The following RBFOX1 variants were observed in gnomAD, a reference collection of about 807,000 sequenced individuals.
RBFOX1 encodes the protein RNA binding fox-1 homolog 1.
A neutral mutation model predicts 57.7 loss-of-function variants in RBFOX1; 8 were observed. The ratio of observed to expected loss-of-function variants is 0.14; its 90% confidence interval spans 0.08 to 0.25. The LOEUF (loss-of-function observed/expected upper bound fraction) is 0.25. Among genes scored for constraint, RBFOX1 ranks in the 10% least tolerant of loss-of-function variants. The pLI is 1.00. For missense variants in RBFOX1, 611 were observed against 548.5 expected (o/e 1.11, Z -1.14); for synonymous variants, 326 against 222.4 (o/e 1.47, Z -4.15).
At chr16:6,888,000 G>C (rs1603636836) in intron 3 of RBFOX1, among the ~76,000 whole-genome samples, 1 of 151,984 alleles carries the variant, frequency 6.6e-6, no homozygotes, top group East Asian at 1.9e-4. Context: ...TATTCTGTTT[G>C]GGGTTTTTGT....
In RBFOX1 at chr16:5,575,365, T is replaced by C. The variant is rs148353545; in HGVS notation, c.259-23537T>C. Among the ~76,000 whole-genome samples the C allele has an allele frequency of 3.2e-3, 484 of 152,340 alleles. 3 individuals carry two copies. The highest frequency in any genetic ancestry group is 0.011 in the African/African-American group (462 of 41,592). ...CACTGCCATCACGGCTCAGCCATCA[T>C]TGAGTTCACATGCCCTGCGTGTCCT... On this transcript the variant is annotated intron_variant, in intron 2 of 2. Transcript: ENST00000585867.
intron 11 of RBFOX1, among the ~76,000 whole-genome samples, chr16:7,650,750 T>C (rs572984315): frequency 6.6e-6 from 1 of 152,350 alleles, no homozygotes; most frequent in East Asian, 1.9e-4. Flanking sequence ...CCAGCTGCTC[T>C]GCCAGATTGT....
chr16:7,018,785 A>AT (rs1262570109), intron 3 of RBFOX1, among the ~76,000 whole-genome samples: 3 of 71,196 alleles, frequency 4.2e-5, no homozygotes, highest in Admixed American at 1.5e-4. Flanking sequence ...ACCTTAAAGT[A>AT]TTAAAAAAAA....
intron 4 of RBFOX1, among the ~76,000 whole-genome samples, chr16:7,179,849 C>T (rs1018297355): frequency 1.3e-5 from 2 of 152,056 alleles, no homozygotes; most frequent in Non-Finnish European, 2.9e-5. Flanking sequence ...ATTCTCCTGC[C>T]TCAGCCTCCT....
chr16:6,647,542 C>A (rs954055727), intron 2 of RBFOX1, among the ~76,000 whole-genome samples: 3 of 152,118 alleles, frequency 2.0e-5, no homozygotes, highest in Non-Finnish European at 4.4e-5. Context: ...GCCACCACAC[C>A]CAGCCAAGGG....
chr16:5,589,651 A>C (rs1329615727), intron 2 of RBFOX1, among the ~76,000 whole-genome samples: 2 of 152,212 alleles, frequency 1.3e-5, no homozygotes, highest in East Asian at 3.8e-4. Flanking sequence ...CAGGATGTGT[A>C]ACCTTTGGCA....
chr16:5,604,463 T>C (rs2047489896), downstream of RBFOX1, among the ~76,000 whole-genome samples: 1 of 152,198 alleles, frequency 6.6e-6, no homozygotes, highest in African/African-American at 2.4e-5. Flanking sequence ...AGAGGCCACC[T>C]ACGGTTCCCT....
At chr16:7,553,500 A>G (rs2087257815) in intron 5 of RBFOX1, among the ~76,000 whole-genome samples, 1 of 152,354 alleles carries the variant, frequency 6.6e-6, no homozygotes, top group South Asian at 2.1e-4. Context: ...CATAACAATT[A>G]AAAATGAGTG....
intron 2 of RBFOX1, among the ~76,000 whole-genome samples, chr16:6,605,796 C>T (rs1765121100): frequency 6.6e-6 from 1 of 152,152 alleles, no homozygotes; most frequent in Non-Finnish European, 1.5e-5. Context: ...ACACGGGAAA[C>T]TATACTTGAA....
At chr16:6,851,716 T>G (rs1257790873) in intron 3 of RBFOX1, among the ~76,000 whole-genome samples, 1 of 152,054 alleles carries the variant, frequency 6.6e-6, no homozygotes, top group Non-Finnish European at 1.5e-5. Context: ...CAAAGGACTT[T>G]GGCAAATTCA....
chr16:6,033,075 G>A (rs2095313350), intron 1 of RBFOX1, among the ~76,000 whole-genome samples: 1 of 152,108 alleles, frequency 6.6e-6, no homozygotes, highest in Admixed American at 6.5e-5. Flanking sequence ...GTTGTGATGA[G>A]AAACTCTTGC....
chr16:6,319,755 A>G lies in RBFOX1; in HGVS notation c.-64+2698A>G, dbSNP rs1046374345. ...TGTGTGCTAAGAGGAAAGCCACAGAAAGCTCACAGTAGCAGGGTCGGTGTT... is the reference window on the plus strand; with the variant it reads ...TGTGTGCTAAGAGGAAAGCCACAGAGAGCTCACAGTAGCAGGGTCGGTGTT... On this transcript the variant is annotated intron_variant, in intron 2 of 15. Coordinates refer to ENST00000550418, the MANE Select transcript of RBFOX1 (RefSeq NM_018723.4). 1.4e-4 allele frequency among the ~76,000 whole-genome samples: 22 copies of G among 152,316 alleles called. 1 individual carries two copies. In the South Asian group the frequency reaches 4.4e-3, roughly 30 times the overall value.
At chr16:7,590,149 C>T (rs1304854165) in intron 7 of RBFOX1, among the ~76,000 whole-genome samples, 2 of 151,986 alleles carry the variant, frequency 1.3e-5, no homozygotes, top group Non-Finnish European at 2.9e-5. Context: ...CACCTGTAGT[C>T]CAAGCTACTT....
intron 3 of RBFOX1, among the ~76,000 whole-genome samples, chr16:5,773,223 T>C (rs2054037393): frequency 6.6e-6 from 1 of 152,160 alleles, no homozygotes; most frequent in Non-Finnish European, 1.5e-5. Flanking sequence ...TAAGAGGTTA[T>C]TGCAATTACT....
At position 6,021,674 on chromosome 16, in the gene RBFOX1, C is replaced by T. The variant is rs565065088; in HGVS notation, c.-127+1682C>T. Among the ~76,000 whole-genome samples the T allele has an allele frequency of 1.6e-4, 24 of 152,302 alleles. No individual in the cohort carries two copies. The South Asian group carries it at 3.1e-3, about 20-fold the overall frequency. ...TCATTCCTCGCGGTAGTGGAAGTGA[C>T]ACCTTAGGGGTCCAGAGAGTGGAGC... On this transcript the variant is annotated intron_variant, in intron 1 of 15. Transcript: ENST00000550418.
At chr16:6,028,509 T>TAAAA (rs36218292) in intron 1 of RBFOX1, among the ~76,000 whole-genome samples, 7,867 of 104,320 alleles carry the variant, frequency 0.075, 427 homozygotes, top group Non-Finnish European at 0.11. Context: ...CTGTCTCTGT[T>TAAAA]AAAAAAAAAA....
intron 3 of RBFOX1, among the ~76,000 whole-genome samples, chr16:6,756,365 A>G (rs555014050): frequency 3.3e-5 from 5 of 152,322 alleles, no homozygotes; most frequent in East Asian, 1.9e-4. Context: ...TAAAACTACT[A>G]GAAGTAAACA....
At chr16:7,052,741 TTG>T (rs1178715596) in intron 4 of RBFOX1, among the ~76,000 whole-genome samples, 1 of 152,214 alleles carries the variant, frequency 6.6e-6, no homozygotes, top group East Asian at 1.9e-4. Flanking sequence ...TCTGCTTTCA[TTG>T]TGTCAGAGTG....
chr16:6,581,145 A>G (rs1040841450), intron 2 of RBFOX1, among the ~76,000 whole-genome samples: 1 of 152,156 alleles, frequency 6.6e-6, no homozygotes, highest in South Asian at 2.1e-4. Context: ...ACGTGGGACA[A>G]CCAGAGTCTA....
Sources: allele counts gnomAD v4.1 joint callset (sites outside exome capture counted in the v4.1 genomes callset), GRCh38; gene constraint gnomAD v4.1.1; transcripts MANE v1.5; gene names NCBI Gene and HGNC (gene_info 2026-07-23, HGNC 2026-07-21).